Variants in TEX11 observed in about 807,000 individuals in gnomAD.
TEX11 encodes the protein testis-expressed protein 11.
In TEX11, 7 loss-of-function variants were observed where a neutral mutation model predicts 84.4. The ratio of observed to expected loss-of-function variants is 0.08; its 90% CI spans 0.05 to 0.16. The LOEUF is 0.16. Among genes scored for constraint, TEX11 ranks in the 10% least tolerant of loss-of-function variants. TEX11 has a pLI of 1.00. For synonymous variants in TEX11, 264 were observed against 222.8 expected (o/e 1.18, Z -1.64); for missense variants, 551 against 660.5 (o/e 0.83, Z 1.82).
At position 70,747,659 on chromosome X, in the gene TEX11, T is replaced by G. The variant is rs963529070; in HGVS notation, c.693-3440A>C. Among the ~76,000 whole-genome samples, 5 of 112,008 alleles carry G rather than the reference T, an allele frequency of 4.5e-5. No homozygotes were observed. In the East Asian group the frequency reaches 1.4e-3, roughly 31 times the overall value. On this transcript the variant is annotated intron_variant, in intron 9 of 29. Transcript: ENST00000374333. ...AACTTTTATAATTACGTCCAAAGAA[T>G]TTTTTAAAATCGTGTTTAAAAATTA...
intron 13 of TEX11, among the ~76,000 whole-genome samples, chrX:70,719,269 C>T (rs1434368141): frequency 1.8e-5 from 2 of 112,062 alleles, no homozygotes; most frequent in African/African-American, 6.5e-5. Flanking sequence ...TTTAAAAACA[C>T]TGCCACTTTG....
chrX:70,560,312 G>A (rs111533387), intron 25 of TEX11, among the ~76,000 whole-genome samples: 9,027 of 109,309 alleles, frequency 0.083, 847 homozygotes, highest in African/African-American at 0.27. Context: ...CACCACGCCC[G>A]CTTAATTTTG....
intron 8 of TEX11, among the ~76,000 whole-genome samples, chrX:70,818,754 C>G (rs749855008): frequency 9.0e-6 from 1 of 111,067 alleles, no homozygotes; most frequent in African/African-American, 3.3e-5. Context: ...AGAACCAGCA[C>G]CACCACACAC....
intron 15 of TEX11, among the ~76,000 whole-genome samples, chrX:70,676,755 CTT>C (rs745553346): frequency 5.4e-5 from 6 of 112,055 alleles, no homozygotes; most frequent in Non-Finnish European, 7.5e-5. Flanking sequence ...TCACTGAACT[CTT>C]TTAATTTTTT....
intron 11 of TEX11, among the ~76,000 whole-genome samples, chrX:70,731,520 A>G (rs1251194093): frequency 8.9e-6 from 1 of 111,954 alleles, no homozygotes; most frequent in Non-Finnish European, 1.9e-5. Context: ...AGAATACTAT[A>G]AACACCTCCA....
chrX:70,877,031 C>T (rs2091658933), intron 3 of TEX11, among the ~76,000 whole-genome samples: 1 of 111,914 alleles, frequency 8.9e-6, no homozygotes, highest in South Asian at 3.7e-4. Context: ...CAGTGGCTCA[C>T]ACCTGTAATC....
chrX:70,653,180 A>G (rs894569919), intron 16 of TEX11, among the ~76,000 whole-genome samples: 2 of 112,005 alleles, frequency 1.8e-5, no homozygotes, highest in Non-Finnish European at 3.8e-5. Context: ...TAAAAGAAAA[A>G]ACTGGTAAGT....
intron 8 of TEX11, among the ~76,000 whole-genome samples, chrX:70,807,650 C>T (rs952537354): frequency 3.6e-5 from 4 of 111,319 alleles, no homozygotes; most frequent in African/African-American, 1.3e-4. Flanking sequence ...GAAGCAGATC[C>T]TCAACTAAGA....
At chrX:70,747,637 T>C (rs1331044430) in intron 9 of TEX11, among the ~76,000 whole-genome samples, 1 of 112,092 alleles carries the variant, frequency 8.9e-6, no homozygotes, top group African/African-American at 3.2e-5. Context: ...TCAAAGCAAC[T>C]TTTATAATTA....
At chrX:70,647,596 G>C (rs752598294) in intron 17 of TEX11, among the ~76,000 whole-genome samples, 15 of 108,761 alleles carry the variant, frequency 1.4e-4, no homozygotes, top group African/African-American at 4.7e-4. Context: ...AGCCTGGGAG[G>C]TCAAGGCTGC....
At chrX:70,742,071 A>C (rs2090737098) in intron 10 of TEX11, among the ~76,000 whole-genome samples, 1 of 111,587 alleles carries the variant, frequency 9.0e-6, no homozygotes. Context: ...TGTTAACAAC[A>C]AAAAAGTTAA....
intron 2 of TEX11, among the ~76,000 whole-genome samples, chrX:70,907,136 G>T (rs1344123172): frequency 4.5e-5 from 5 of 111,724 alleles, no homozygotes; most frequent in Non-Finnish European, 9.4e-5. Context: ...TTTCACGGAT[G>T]ATTATGGAAA....
In TEX11 at chrX:70,578,764, C is replaced by CTT. The variant is rs869110075; in HGVS notation, c.2140+12985_2140+12986dup. Among the ~76,000 whole-genome samples, 183 of 50,076 alleles carry CTT rather than the reference C, an allele frequency of 3.7e-3. 1 individual carries two copies. Among genetic ancestry groups the CTT allele is most frequent in the Non-Finnish European group, 5.0e-3 (145 of 28,785 alleles). The allele number at this position is 50,076 out of a possible 115,157, so 43.5% of individuals were successfully genotyped here. A position where few individuals can be genotyped will look rare whatever the true frequency, so the allele number is the denominator to read the frequency against. On this transcript the variant is annotated intron_variant, in intron 25 of 29. Transcript: ENST00000374333. ...TCCAAGAAAAAAAGAAGTTGAACTT[C>CTT]TTTTTTTTTTTTTTTTTTTTTTTGA... is the stretch of plus-strand genomic sequence containing the variant.
At position 70,797,823 on chromosome X, in the gene TEX11, A is replaced by T. The variant is rs764676623; in HGVS notation, c.692+8882T>A. Among the ~76,000 whole-genome samples, 12 of 101,668 alleles carry T rather than the reference A, an allele frequency of 1.2e-4. No individual in the cohort carries two copies. In the South Asian group the frequency reaches 5.4e-3, roughly 46 times the overall value. The allele number at this position is 101,668 out of a possible 115,157, so 88.3% of individuals were successfully genotyped here. On this transcript the variant is annotated intron_variant, in intron 9 of 29. Transcript: ENST00000374333. ...TTCATCCTTTCAAGATTAAAAAAAAATTTCAAAAAATTAGGAATAGAAGGA... is the reference window on the plus strand; with the variant it reads ...TTCATCCTTTCAAGATTAAAAAAAATTTTCAAAAAATTAGGAATAGAAGGA...
At chrX:70,716,660 G>A (rs1199868347) in intron 13 of TEX11, among the ~76,000 whole-genome samples, 3 of 112,299 alleles carry the variant, frequency 2.7e-5, no homozygotes, top group African/African-American at 9.7e-5. Flanking sequence ...TATGGTGGGA[G>A]TGACCAAATT....
chrX:70,897,772 A>C (rs1207857150), intron 2 of TEX11, among the ~76,000 whole-genome samples: 1 of 111,780 alleles, frequency 8.9e-6, no homozygotes, highest in African/African-American at 3.2e-5. Flanking sequence ...ATCATTCAAT[A>C]AAACTTTAAT....
intron 9 of TEX11, among the ~76,000 whole-genome samples, chrX:70,798,218 A>C (rs1210016723): frequency 9.0e-6 from 1 of 110,866 alleles, no homozygotes; most frequent in Non-Finnish European, 1.9e-5. Flanking sequence ...ATACCCAAAA[A>C]TTAAGAAAAC....
intron 9 of TEX11, among the ~76,000 whole-genome samples, chrX:70,756,372 A>C (rs2090868028): frequency 8.9e-6 from 1 of 111,760 alleles, no homozygotes; most frequent in Non-Finnish European, 1.9e-5. Flanking sequence ...AGGGGCTAAC[A>C]GACACCTCAT....
chrX:70,620,185 G>A (rs1271358909), intron 20 of TEX11, among the ~76,000 whole-genome samples: 5 of 110,740 alleles, frequency 4.5e-5, no homozygotes, highest in Non-Finnish European at 9.4e-5. Flanking sequence ...GTGGTCAAAC[G>A]CCAGGGATCT....
Sources: allele counts gnomAD v4.1 joint callset (sites outside exome capture counted in the v4.1 genomes callset), GRCh38; gene constraint gnomAD v4.1.1; transcripts MANE v1.5; gene names NCBI Gene and HGNC (gene_info 2026-07-23, HGNC 2026-07-21).